Variants in CADM2 observed in about 807,000 individuals in gnomAD.
CADM2 encodes the protein cell adhesion molecule 2.
Under a neutral mutation model 49.8 loss-of-function variants are expected in CADM2, and 12 were observed. The observed-to-expected ratio is 0.24, with a 90% CI of 0.15 to 0.39. The LOEUF (loss-of-function observed/expected upper bound fraction) is 0.39, where lower values mean the gene tolerates loss of function less well. Among genes scored for constraint, CADM2 ranks in the 10% least tolerant of loss-of-function variants. The pLI is 1.00. For missense variants in CADM2, 378 were observed against 492.3 expected (o/e 0.77, Z 2.20); for synonymous variants, 214 against 175.4 (o/e 1.22, Z -1.74).
chr3:85,583,480 A>G (rs2062853340), intron 1 of CADM2, among the ~76,000 whole-genome samples: 1 of 152,156 alleles, frequency 6.6e-6, no homozygotes. Flanking sequence ...AATCATTGTC[A>G]TTCTAAAAAC....
intron 1 of CADM2, among the ~76,000 whole-genome samples, chr3:84,985,311 T>A (rs945080495): frequency 5.3e-5 from 8 of 152,162 alleles, no homozygotes; most frequent in Admixed American, 2.6e-4. Flanking sequence ...TCAGCAGATA[T>A]TTTAATTCTT....
chr3:84,982,702 C>CATATGTATATATAT (rs1177661723), intron 1 of CADM2, among the ~76,000 whole-genome samples: 16 of 76,318 alleles, frequency 2.1e-4, no homozygotes, highest in Middle Eastern at 0.011. Context: ...AACTATAAAG[C>CATATGTATATATAT]ATATATATAT....
chr3:85,507,646 T>G (rs6787718), intron 1 of CADM2, among the ~76,000 whole-genome samples: 31,657 of 152,144 alleles, frequency 0.21, 3,908 homozygotes, highest in East Asian at 0.3. Flanking sequence ...TTAACATATT[T>G]GTCTTCATAA....
Position 85,660,109 on chromosome 3 carries a change from T to C in CADM2, c.62-66413T>C, listed in dbSNP as rs145798069. 6.2e-3 allele frequency among the ~76,000 whole-genome samples: 937 copies of C among 152,224 alleles called. 15 individuals carry two copies. Among genetic ancestry groups the C allele is most frequent in the African/African-American group, 0.021 (884 of 41,526 alleles). Reference sequence around the variant, plus strand: ...CTTCATTTGTACCAAATGATCCCAGTGACTCATGTGAATGTTTCTAGGGCA... The same window carrying C: ...CTTCATTTGTACCAAATGATCCCAGCGACTCATGTGAATGTTTCTAGGGCA... On this transcript the variant is annotated intron_variant, in intron 1 of 9. Coordinates refer to ENST00000383699, the MANE Select transcript of CADM2 (RefSeq NM_001167675.2).
intron 1 of CADM2, among the ~76,000 whole-genome samples, chr3:85,649,344 AAATT>A (rs1357661763): frequency 2.0e-5 from 3 of 152,150 alleles, no homozygotes; most frequent in African/African-American, 7.2e-5. Context: ...GACATCACTT[AAATT>A]AATTATTTTA....
intron 1 of CADM2, among the ~76,000 whole-genome samples, chr3:85,252,659 A>G (rs2042801485): frequency 6.6e-6 from 1 of 151,998 alleles, no homozygotes; most frequent in Non-Finnish European, 1.5e-5. Flanking sequence ...TCTTTCAGTT[A>G]GGGAGCAATG....
chr3:85,253,777 G>C (rs916243997), intron 1 of CADM2, among the ~76,000 whole-genome samples: 3 of 152,074 alleles, frequency 2.0e-5, no homozygotes, highest in Non-Finnish European at 4.4e-5. Flanking sequence ...GTCCTGTCAA[G>C]AAGCAGACTG....
chr3:85,635,105 T>G (rs547997929), intron 1 of CADM2, among the ~76,000 whole-genome samples: 1 of 152,038 alleles, frequency 6.6e-6, no homozygotes, highest in Non-Finnish European at 1.5e-5. Flanking sequence ...ATGAAAGGGA[T>G]TAGTGGATAC....
At chr3:85,807,499 C>CAAAAAAAAA (rs60644652) in intron 3 of CADM2, among the ~76,000 whole-genome samples, 11 of 82,148 alleles carry the variant, frequency 1.3e-4, no homozygotes, top group Admixed American at 2.6e-4. Flanking sequence ...AACTCCGTCT[C>CAAAAAAAAA]AAAAAAAAAA....
Position 85,051,681 on chromosome 3 carries a change from G to A in CADM2, c.61+92013G>A, listed in dbSNP as rs1012108066. On this transcript the variant is annotated intron_variant, in intron 1 of 9. Coordinates refer to ENST00000383699, the MANE Select transcript of CADM2 (RefSeq NM_001167675.2). ...CTCTGAAAGCAAAAGGGGTAGACAC[G>A]CCCTCCATACCTTTCCACAAATTTC... Among the ~76,000 whole-genome samples the A allele has an allele frequency of 7.2e-5, 11 of 152,068 alleles. No individual in the cohort carries two copies. In the South Asian group the frequency reaches 1.7e-3, roughly 23 times the overall value.
At chr3:85,875,165 G>T (rs1323284568) in intron 3 of CADM2, among the ~76,000 whole-genome samples, 1 of 152,072 alleles carries the variant, frequency 6.6e-6, no homozygotes, top group Non-Finnish European at 1.5e-5. Context: ...ATTGTTTTAT[G>T]TTGTATGACT....
chr3:85,064,317 G>A (rs2036444377), intron 1 of CADM2, among the ~76,000 whole-genome samples: 2 of 151,950 alleles, frequency 1.3e-5, no homozygotes, highest in South Asian at 4.2e-4. Context: ...TTCTAAAACT[G>A]GACCATTTAC....
At chr3:85,276,229 C>A (rs545910729) in intron 1 of CADM2, among the ~76,000 whole-genome samples, 28 of 151,322 alleles carry the variant, frequency 1.9e-4, no homozygotes, top group Non-Finnish European at 3.3e-4. Context: ...TTCGATTAAC[C>A]TTGAATTCTT....
chr3:85,194,933 C>T lies in CADM2; in HGVS notation c.61+235265C>T, dbSNP rs116183444. ...ATTTTTGTTTAAAAAAAAATGAACT[C>T]CTGGGCTAAAGCAATCCTCCTGCCT... On this transcript the variant is annotated intron_variant, in intron 1 of 9. Transcript: ENST00000383699. Among the ~76,000 whole-genome samples the T allele has an allele frequency of 9.6e-4, 146 of 152,090 alleles. 1 individual carries two copies. The highest frequency in any genetic ancestry group is 1.0e-3 in the Non-Finnish European group (69 of 67,964).
At chr3:85,274,778 G>T (rs2106860821) in intron 1 of CADM2, among the ~76,000 whole-genome samples, 1 of 151,522 alleles carries the variant, frequency 6.6e-6, no homozygotes, top group South Asian at 2.1e-4. Flanking sequence ...ATCTGAAAAA[G>T]GAATTAAATA....
intron 1 of CADM2, among the ~76,000 whole-genome samples, chr3:85,644,871 T>C (rs117285928): frequency 2.0e-5 from 3 of 152,266 alleles, no homozygotes; most frequent in South Asian, 2.1e-4. Context: ...CAGTTTTTCA[T>C]TGCTTCCTGA....
chr3:85,458,468 C>T (rs1317782956), intron 1 of CADM2, among the ~76,000 whole-genome samples: 1 of 152,120 alleles, frequency 6.6e-6, no homozygotes, highest in African/African-American at 2.4e-5. Flanking sequence ...ATGTATTGAT[C>T]TCCTGTGGTT....
chr3:85,045,419 A>C (rs1207024229), intron 1 of CADM2, among the ~76,000 whole-genome samples: 3 of 152,118 alleles, frequency 2.0e-5, no homozygotes, highest in Admixed American at 2.0e-4. Context: ...CTTTGTGCTC[A>C]TGCATTTTGA....
chr3:85,541,063 G>T (rs1318395015), intron 1 of CADM2, among the ~76,000 whole-genome samples: 2 of 151,644 alleles, frequency 1.3e-5, no homozygotes, highest in African/African-American at 4.8e-5. Flanking sequence ...GAGGTGAGGG[G>T]TACAATTCAG....
Sources: gnomAD v4.1 joint callset for allele counts (sites outside exome capture counted in the v4.1 genomes callset) on GRCh38, gnomAD v4.1.1 for gene constraint, MANE v1.5 for transcripts, NCBI Gene and HGNC (gene_info 2026-07-23, HGNC 2026-07-21) for gene names.